SEMA3F: variants seen among roughly 807,000 people sequenced by gnomAD.
SEMA3F encodes semaphorin 3F.
In SEMA3F, 30 loss-of-function variants were observed where a neutral mutation model predicts 98.5. That is an observed-to-expected ratio of 0.30 (90% CI 0.23 to 0.41). The LOEUF is 0.41. Among genes scored for constraint, SEMA3F ranks in the 10% least tolerant of loss-of-function variants. The probability of loss-of-function intolerance (pLI) is 1.00; values close to 1 mark genes in which losing one functional copy is unlikely to be tolerated. For synonymous variants in SEMA3F, 380 were observed against 444.8 expected, an observed-to-expected ratio of 0.85 and a Z score of 1.83; for missense variants, 866 against 1,119.3, an observed-to-expected ratio of 0.77 and a Z score of 3.23.
intron 15 of SEMA3F, 21 bp from the exon 16 acceptor site, chr3:50,185,868 A>G: frequency 6.2e-7 from 1 of 1,608,070 alleles, no homozygotes; most frequent in Non-Finnish European, 8.5e-7. Context: ...GGAACTGACA[A>G]GGCCCTACCC....
chr3:50,188,042 G>T lies in SEMA3F; in HGVS notation c.2285G>T (p.Gly762Val). The change falls in exon 19 of 19, where the codon GGG becomes GTG. Residue 762 changes from glycine (G) to valine (V), a missense_variant. Gly to Val is a moderately radical substitution (Grantham distance 109). Transcript: ENST00000002829. The surrounding 1 kb of genome is among the most constrained non-coding windows in gnomAD (Gnocchi z 4.5). Reference sequence around the variant, plus strand: ...CCCCCCAGCCCCAGGGAGGCTCCAGGGGCACCCCGGTCTCCTGAGCCCCAG... The same window carrying T: ...CCCCCCAGCCCCAGGGAGGCTCCAGTGGCACCCCGGTCTCCTGAGCCCCAG... ...HVPPSPREAP[G>V]APRSPEPQDQ... is the part of the protein sequence containing the mutation. 1.3e-6 allele frequency: 2 copies of T among 1,592,166 alleles called. No homozygotes were observed. Among genetic ancestry groups the T allele is most frequent in the African/African-American group, 1.3e-5 (1 of 74,262 alleles).
At chr3:50,167,631 CTT>C (rs1698453403) in intron 2 of SEMA3F, among the ~76,000 whole-genome samples, 1 of 148,830 alleles carries the variant, frequency 6.7e-6, no homozygotes, top group Non-Finnish European at 1.5e-5. Flanking sequence ...CAGCTGGGCT[CTT>C]TACCCCTGTA....
At chr3:50,172,940 C>T (rs547113050) in intron 2 of SEMA3F, among the ~76,000 whole-genome samples, 3 of 152,182 alleles carry the variant, frequency 2.0e-5, no homozygotes, top group Admixed American at 2.0e-4. Flanking sequence ...CCACCCTGAG[C>T]GTGGGAGCAT....
intron 10 of SEMA3F, 71 bp from the exon 11 acceptor site, chr3:50,183,115 G>C: frequency 6.4e-7 from 1 of 1,569,702 alleles, no homozygotes; most frequent in Non-Finnish European, 8.8e-7. Flanking sequence ...CCCCTCCCCT[G>C]TGCAGGAGTG....
chr3:50,165,592 G>C (rs1277914764), intron 2 of SEMA3F, among the ~76,000 whole-genome samples: 1 of 152,226 alleles, frequency 6.6e-6, no homozygotes, highest in Non-Finnish European at 1.5e-5. Context: ...GGCTTGGCCT[G>C]GTGCTATCCT....
chr3:50,162,721 T>G (rs1391160106), intron 2 of SEMA3F, among the ~76,000 whole-genome samples: 1 of 152,142 alleles, frequency 6.6e-6, no homozygotes, highest in African/African-American at 2.4e-5. Context: ...CCCAGGAAGC[T>G]ACCCCACGAC....
chr3:50,177,198 G>A (rs969277049), intron 7 of SEMA3F, among the ~76,000 whole-genome samples: 1 of 152,192 alleles, frequency 6.6e-6, no homozygotes, highest in Non-Finnish European at 1.5e-5. Context: ...AGTGCGTATC[G>A]GGGCTGGTCT....
intron 4 of SEMA3F, 29 bp downstream of exon 4, chr3:50,174,143 A>G: frequency 6.2e-7 from 1 of 1,613,966 alleles, no homozygotes; most frequent in Non-Finnish European, 8.5e-7. Context: ...ACAGGTGGGA[A>G]GGGGGAATCC....
chr3:50,160,408 G>A (rs1183542994), intron 2 of SEMA3F, among the ~76,000 whole-genome samples: 2 of 152,230 alleles, frequency 1.3e-5, no homozygotes, highest in Admixed American at 6.5e-5. Flanking sequence ...GGGGTCTGCA[G>A]AGTGAGAGGC....
In SEMA3F at chr3:50,174,385, C is replaced by T. The variant is rs201303043; in HGVS notation, c.456+35C>T. On this transcript the variant is annotated intron_variant, in intron 5 of 18. Transcript: ENST00000002829. The stretch of plus-strand genomic sequence containing the variant: ...AGCCACCCTGGCCCTGTGCTGCCCC[C>T]GCTGGTGGCTGCATCCCAGGGTCCT... 4.7e-5 allele frequency: 74 copies of T among 1,587,546 alleles called. No homozygotes were observed. In the South Asian group the frequency reaches 6.9e-4, roughly 15 times the overall value.
chr3:50,177,611 A>C (rs1411211734), intron 7 of SEMA3F, among the ~76,000 whole-genome samples: 1 of 152,156 alleles, frequency 6.6e-6, no homozygotes, highest in Non-Finnish European at 1.5e-5. Context: ...AGCCCAAATC[A>C]CTCTGATGAG....
intron 7 of SEMA3F, among the ~76,000 whole-genome samples, chr3:50,177,193 G>GT (rs1424664947): frequency 6.6e-6 from 1 of 152,194 alleles, no homozygotes; most frequent in Non-Finnish European, 1.5e-5. Flanking sequence ...AGCCGAGTGC[G>GT]TATCGGGGCT....
At position 50,183,182 on chromosome 3, in the gene SEMA3F, C is replaced by G. The variant is rs748807455; in HGVS notation, c.1019-4C>G. The G allele has an allele frequency of 4.3e-6, 7 of 1,613,728 alleles. No homozygotes were observed. Among genetic ancestry groups the G allele is most frequent in the South Asian group, 1.1e-5 (1 of 91,078 alleles). On this transcript the variant is annotated splice_polypyrimidine_tract_variant and splice_region_variant and intron_variant, in intron 10 of 18. Transcript: ENST00000002829. ...CCTCCAACACCTTCTCCCTCTGTCCCCAGAGGACGTGTTTGTCCAGCAGAC... is the reference window on the plus strand; with the variant it reads ...CCTCCAACACCTTCTCCCTCTGTCCGCAGAGGACGTGTTTGTCCAGCAGAC...
At chr3:50,164,964 T>C (rs1698348980) in intron 2 of SEMA3F, among the ~76,000 whole-genome samples, 1 of 152,242 alleles carries the variant, frequency 6.6e-6, no homozygotes, top group African/African-American at 2.4e-5. Flanking sequence ...GAGGCTGGTG[T>C]GCAGGTGAGG....
intron 6 of SEMA3F, among the ~76,000 whole-genome samples, chr3:50,175,658 G>A (rs991105391): frequency 1.3e-5 from 2 of 152,056 alleles, no homozygotes; most frequent in South Asian, 2.1e-4. Flanking sequence ...CTCTTCTCCC[G>A]TGTGGTATCT....
In SEMA3F at chr3:50,172,062, A is replaced by G. The variant is rs114410174; in HGVS notation, c.113-1731A>G. On this transcript the variant is annotated intron_variant, in intron 2 of 18. Transcript: ENST00000002829. ...TCTGCCCCACCTTCAGGCTGTGTCT[A>G]GGGCCTCGGATCCCAGCTGTTCTCC... is the stretch of plus-strand genomic sequence containing the variant. Among the ~76,000 whole-genome samples, 458 of 152,174 alleles carry G rather than the reference A, an allele frequency of 3.0e-3. 4 individuals carry two copies. The highest frequency in any genetic ancestry group is 0.011 in the African/African-American group (447 of 41,528).
chr3:50,173,888 T>C lies in SEMA3F; in HGVS notation c.208T>C (p.Tyr70His), dbSNP rs1575392898. ...CAAGGACGAGGACCACGACCGCATGTACGTGGGCAGCAAGGACTACGTGCT... is the reference window on the plus strand; with the variant it reads ...CAAGGACGAGGACCACGACCGCATGCACGTGGGCAGCAAGGACTACGTGCT... Reference protein sequence around the residue: ...LLKDEDHDRMYVGSKDYVLSL... With the variant: ...LLKDEDHDRMHVGSKDYVLSL... The change falls in exon 3 of 19, where the codon TAC (tyrosine) becomes CAC (histidine). Residue 70 changes from tyrosine (Y) to histidine (H), a missense_variant. Physicochemically the swap from Tyr to His is moderately conservative, Grantham distance 83. This residue lies in a region of SEMA3F where 247 missense variants were observed against 276.0 expected (regional missense o/e 0.89). Coordinates refer to ENST00000002829, the MANE Select transcript of SEMA3F (RefSeq NM_004186.5). 1 of 1,614,102 alleles carries C rather than the reference T, an allele frequency of 6.2e-7. No homozygotes were observed.
chr3:50,184,876 T>C, intron 13 of SEMA3F, 62 bp downstream of exon 13: 1 of 1,317,920 alleles, frequency 7.6e-7, no homozygotes, highest in Non-Finnish European at 1.1e-6. Flanking sequence ...GTGCAGATCC[T>C]TGGGGCTGGG....
chr3:50,155,674 C>T lies in SEMA3F; in HGVS notation c.-49+110C>T, dbSNP rs1428311084. ...GCAGAAGTGTCCGGGGAGCGGGTCT[C>T]GTCGAGCCGGGGGGCTGCCCGCGGA... is the stretch of plus-strand genomic sequence containing the variant. On this transcript the variant is annotated intron_variant, in intron 1 of 18. Transcript: ENST00000002829. The surrounding 1 kb of genome is among the most constrained non-coding windows in gnomAD (Gnocchi z 4.9). 45 of 222,762 alleles carry T rather than the reference C, an allele frequency of 2.0e-4. 2 individuals carry two copies. The highest frequency in any genetic ancestry group is 7.0e-5 in the Non-Finnish European group (8 of 114,688). 13.8% of individuals were successfully genotyped at this position (222,762 alleles called of 1,614,324 possible).
Sources: allele counts gnomAD v4.1 joint callset (sites outside exome capture counted in the v4.1 genomes callset), GRCh38; gene constraint gnomAD v4.1.1; regional missense constraint gnomAD v4.1.1; non-coding constraint Gnocchi (gnomAD v3.1); transcripts MANE v1.5; gene names NCBI Gene and HGNC (gene_info 2026-07-23, HGNC 2026-07-21).